The following WIZ variants were observed in gnomAD, a reference collection of about 807,000 sequenced individuals.
WIZ encodes protein Wiz.
WIZ carries 25 observed loss-of-function variants against 140.2 expected under a neutral mutation model. That is an observed-to-expected ratio of 0.18 (90% CI 0.13 to 0.25). The LOEUF (loss-of-function observed/expected upper bound fraction) is 0.25, where lower values mean the gene tolerates loss of function less well. WIZ is among the 10% of genes least tolerant of loss of function. The pLI is 1.00. For synonymous variants in WIZ, 1,125 were observed against 1,154.3 expected (o/e 0.97, Z 0.51); for missense variants, 2,231 against 2,632.6 (o/e 0.85, Z 3.34).
intron 5 of WIZ, chr19:15,432,461 G>A: frequency 1.0e-6 from 1 of 981,248 alleles, no homozygotes; most frequent in Non-Finnish European, 1.2e-6. Context: ...GCGGGCCCGG[G>A]CCCCGGCTCC....
At chr19:15,434,730 C>T (rs898391252) in intron 5 of WIZ, among the ~76,000 whole-genome samples, 15 of 152,178 alleles carry the variant, frequency 9.9e-5, no homozygotes, top group Admixed American at 6.5e-5. Flanking sequence ...TGTAAAGGCT[C>T]GTGCAAAGCC....
chr19:15,449,474 C>A (rs1190120804), intron 1 of WIZ: 3 of 152,348 alleles, frequency 2.0e-5, no homozygotes, highest in Admixed American at 2.0e-4. Context: ...TACCCGGACG[C>A]CCCCCAGGGG....
At chr19:15,426,000 A>C (rs1968800168) in intron 9 of WIZ, among the ~76,000 whole-genome samples, 1 of 151,130 alleles carries the variant, frequency 6.6e-6, no homozygotes, top group Non-Finnish European at 1.5e-5. Context: ...TGTCCACACC[A>C]CCCACCAGAC....
Position 15,428,608 on chromosome 19 carries a change from A to G in WIZ, c.3416-100T>C. The G allele has an allele frequency of 7.1e-7, 1 of 1,406,888 alleles. No individual in the cohort carries two copies. Among genetic ancestry groups the G allele is most frequent in the South Asian group, 1.3e-5 (1 of 78,564 alleles). 87.2% of individuals were successfully genotyped at this position (1,406,888 alleles called of 1,614,324 possible). A position where few individuals can be genotyped will look rare whatever the true frequency, so the allele number is the denominator to read the frequency against. On this transcript the variant is annotated intron_variant, in intron 7 of 12. Transcript: ENST00000673675. The surrounding 1 kb of genome is among the most constrained non-coding windows in gnomAD (Gnocchi z 6.4). Reference sequence around the variant, plus strand: ...TGGTGTGATTTTTGGCTGCTCAGGCAGTTGGGGGGTCCAAGACTCAGGCCG... The same window carrying G: ...TGGTGTGATTTTTGGCTGCTCAGGCGGTTGGGGGGTCCAAGACTCAGGCCG...
At position 15,440,296 on chromosome 19, in the gene WIZ, A is replaced by G; in HGVS notation, c.698T>C (p.Val233Ala). 20 of 1,498,666 alleles carry G rather than the reference A, an allele frequency of 1.3e-5. No homozygotes were observed. Among genetic ancestry groups the G allele is most frequent in the Non-Finnish European group, 1.8e-5 (20 of 1,126,428 alleles). 92.8% of individuals were successfully genotyped at this position (1,498,666 alleles called of 1,614,324 possible). A position where few individuals can be genotyped will look rare whatever the true frequency, so the allele number is the denominator to read the frequency against. ...EDTPKTLDMA[V>A]VGGREDLEDL... is the part of the protein sequence containing the mutation. ...CTCCAGATCTTCTCTGCCACCCACC[A>G]CCGCCATGTCCAGCGTCTTCGGGGT... Residue 233 changes from valine (V) to alanine (A), a missense_variant, in exon 4 of 13, where the codon GTG becomes GCG. Coordinates refer to ENST00000673675, the MANE Select transcript of WIZ (RefSeq NM_001371589.1). The surrounding 1 kb of genome is among the most constrained non-coding windows in gnomAD (Gnocchi z 6.2).
chr19:15,431,412 G>A (rs755567159), intron 5 of WIZ, among the ~76,000 whole-genome samples: 4 of 152,204 alleles, frequency 2.6e-5, no homozygotes, highest in Non-Finnish European at 4.4e-5. Context: ...CTACAGCATG[G>A]ACAGGTCTGG....
At chr19:15,438,553 G>T in intron 4 of WIZ, 25 bp downstream of exon 4, 1 of 1,476,478 alleles carries the variant, frequency 6.8e-7, no homozygotes, top group Non-Finnish European at 9.0e-7. Flanking sequence ...TGTCTCCTGG[G>T]CCTTTAAAAG....
intron 4 of WIZ, 96 bp downstream of exon 4, chr19:15,438,482 G>A: frequency 7.5e-7 from 1 of 1,335,550 alleles, no homozygotes; most frequent in Non-Finnish European, 9.9e-7. Flanking sequence ...AGAGGCCCCA[G>A]TGTCCCCCTG....
In WIZ at chr19:15,445,883, G is replaced by A. The variant is rs890553651; in HGVS notation, c.205+2220C>T. 7.2e-5 allele frequency among the ~76,000 whole-genome samples: 11 copies of A among 152,116 alleles called. 1 individual carries two copies. Among genetic ancestry groups the A allele is most frequent in the Admixed American group, 6.5e-4 (10 of 15,282 alleles). ...CTTGGGGGGCTCTGAGGGCTGAGTGGGGATAAAGGAAGGCCCAGGCTTTGG... is the reference window on the plus strand; with the variant it reads ...CTTGGGGGGCTCTGAGGGCTGAGTGAGGATAAAGGAAGGCCCAGGCTTTGG... On this transcript the variant is annotated intron_variant, in intron 2 of 12. Coordinates refer to ENST00000673675, the MANE Select transcript of WIZ (RefSeq NM_001371589.1).
chr19:15,424,112 TC>T lies in WIZ; in HGVS notation c.5510+70del, dbSNP rs1205502868. 7.3e-7 allele frequency: 1 copy of T among 1,372,568 alleles called. No homozygotes were observed. Among genetic ancestry groups the T allele is most frequent in the Non-Finnish European group, 9.6e-7 (1 of 1,042,430 alleles). 85.0% of individuals were successfully genotyped at this position (1,372,568 alleles called of 1,614,324 possible). On this transcript the variant is annotated intron_variant, in intron 12 of 12. Transcript: ENST00000673675. The surrounding 1 kb of genome is among the most constrained non-coding windows in gnomAD (Gnocchi z 9.7). ...ACCTCCCAGCTTCCACCAAACCCTA[TC>T]CTGTTCCAAGGCTCCGGGTGACCAA...
intron 9 of WIZ, among the ~76,000 whole-genome samples, 194 bp from the exon 10 acceptor site, chr19:15,425,962 G>GT (rs1568291056): frequency 4.0e-5 from 6 of 150,624 alleles, no homozygotes; most frequent in Non-Finnish European, 7.4e-5. Flanking sequence ...CAAAGCCCCC[G>GT]TATCAGTGCC....
At position 15,439,003 on chromosome 19, in the gene WIZ, G is replaced by C. The variant is rs578130985; in HGVS notation, c.1991C>G (p.Ala664Gly). Residue 664 changes from alanine to glycine, a missense_variant, in exon 4 of 13, where the codon GCC becomes GGC. This residue lies in a region of WIZ where 475 missense variants were observed against 520.2 expected (regional missense o/e 0.91). Transcript: ENST00000673675. This position sits in a 1 kb window ranked among gnomAD's most constrained non-coding sequence, Gnocchi z 7.0. ...ALELKQAFREALQAVEATQGQ... is the reference protein window; with the variant it reads ...ALELKQAFREGLQAVEATQGQ... ...CTGGGTGGCCTCTACTGCCTGCAGG[G>C]CCTCTCGGAATGCCTGCTTCAGCTC... 9 of 1,489,554 alleles carry C rather than the reference G, an allele frequency of 6.0e-6. No individual in the cohort carries two copies. The highest frequency in any genetic ancestry group is 2.2e-5 in the Admixed American group (1 of 44,706). The allele number at this position is 1,489,554 out of a possible 1,614,324, so 92.3% of individuals were successfully genotyped here.
At chr19:15,443,238 A>G (rs1969805970) in intron 2 of WIZ, among the ~76,000 whole-genome samples, 1 of 152,102 alleles carries the variant, frequency 6.6e-6, no homozygotes, top group Admixed American at 6.5e-5. Context: ...TGCCTGGGTA[A>G]TTCTTCTATG....
rs766856285 is a variant in WIZ at position 15,436,872 on chromosome 19, G to T, written c.2674C>A (p.Arg892Ser). The change falls in exon 5 of 13, where the codon CGC (arginine) becomes AGC (serine). Residue 892 changes from arginine (R) to serine (S), a missense_variant. Coordinates refer to ENST00000673675, the MANE Select transcript of WIZ (RefSeq NM_001371589.1). ...GGAAAGGGCACCGTGAGAGGTAAGC[G>T]GGGCCGACGGGAGGTCAGGAAGCTG... Reference protein sequence around the residue: ...PGSFLTSRRPRLPLTVPFPPT... With the variant: ...PGSFLTSRRPSLPLTVPFPPT... 6.2e-7 allele frequency: 1 copy of T among 1,612,668 alleles called. No individual in the cohort carries two copies. Among genetic ancestry groups the T allele is most frequent in the Admixed American group, 1.7e-5 (1 of 59,772 alleles).
At chr19:15,432,056 G>C (rs990478493) in intron 5 of WIZ, among the ~76,000 whole-genome samples, 7 of 152,198 alleles carry the variant, frequency 4.6e-5, no homozygotes, top group Admixed American at 4.6e-4. Context: ...CAGAAGCAAA[G>C]AGTAGGCGCT....
intron 2 of WIZ, 41 bp downstream of exon 2, chr19:15,448,062 G>T: frequency 6.2e-7 from 1 of 1,607,370 alleles, no homozygotes; most frequent in Non-Finnish European, 8.5e-7. Context: ...TTGGGGAATG[G>T]GCTGGATGCT....
rs563337366 is a variant in WIZ, at chr19:15,421,740, G to A, written c.*1336C>T. ...TGGCCCCCACCCAAATGCTCCCAAC[G>A]GGTCCCTGACACCCTCGCTGGTAGC... On this transcript the variant is annotated 3_prime_UTR_variant, in exon 13 of 13. Coordinates refer to ENST00000673675, the MANE Select transcript of WIZ (RefSeq NM_001371589.1). 7 of 152,248 alleles carry A rather than the reference G, an allele frequency of 4.6e-5. No homozygotes were observed. The South Asian group carries it at 8.3e-4, about 18-fold the overall frequency. 9.4% of individuals were successfully genotyped at this position (152,248 alleles called of 1,614,324 possible).
chr19:15,439,476 C>T lies in WIZ; in HGVS notation c.1518G>A (p.Gln506=). The part of the protein sequence containing the change: ...GEAYEEDPAS[Q]PGTSQDAHAC... ...CGTGAGCATCCTGGCTAGTGCCTGG[C>T]TGGCTGGCAGGGTCTTCCTCATAAG... is the stretch of plus-strand genomic sequence containing the variant. The change falls in exon 4 of 13, where the codon CAG becomes CAA. Residue 506 remains glutamine, a synonymous_variant. Coordinates refer to ENST00000673675, the MANE Select transcript of WIZ (RefSeq NM_001371589.1). The surrounding 1 kb of genome is among the most constrained non-coding windows in gnomAD (Gnocchi z 7.0). The T allele has an allele frequency of 4.6e-6, 7 of 1,535,024 alleles. No individual in the cohort carries two copies. The highest frequency in any genetic ancestry group is 6.1e-6 in the Non-Finnish European group (7 of 1,146,278).
At chr19:15,433,545 C>T (rs1969397681) in intron 5 of WIZ, among the ~76,000 whole-genome samples, 1 of 152,218 alleles carries the variant, frequency 6.6e-6, no homozygotes. Flanking sequence ...CACTGAAAGA[C>T]TGGTCATAGC....
Sources: gnomAD v4.1 joint callset for allele counts (sites outside exome capture counted in the v4.1 genomes callset) on GRCh38, gnomAD v4.1.1 for gene constraint, gnomAD v4.1.1 regional missense constraint, Gnocchi (gnomAD v3.1) non-coding constraint, MANE v1.5 for transcripts, NCBI Gene and HGNC (gene_info 2026-07-23, HGNC 2026-07-21) for gene names.